Variants in TAPT1 observed in about 807,000 individuals in gnomAD.
TAPT1 encodes the protein transmembrane anterior posterior transformation protein 1 homolog.
TAPT1 carries 28 observed loss-of-function variants against 65.6 expected under a neutral mutation model. The observed-to-expected ratio is 0.43, with a 90% confidence interval of 0.32 to 0.59. TAPT1 has a LOEUF of 0.59. Among genes scored for constraint, TAPT1 ranks in the 20% least tolerant of loss-of-function variants. TAPT1 has a pLI of 0.09. For missense variants in TAPT1, 563 were observed against 679.9 expected (o/e 0.83, Z 1.91); for synonymous variants, 278 against 245.2 (o/e 1.13, Z -1.25).
intron 11 of TAPT1, among the ~76,000 whole-genome samples, chr4:16,173,470 G>A (rs1036106622): frequency 2.9e-4 from 44 of 152,012 alleles, no homozygotes; most frequent in African/African-American, 1.0e-3. Flanking sequence ...CCAGGCTGGA[G>A]TGCAGTGGCA....
chr4:16,208,050 A>C (rs1258194870), intron 2 of TAPT1, among the ~76,000 whole-genome samples: 2 of 152,214 alleles, frequency 1.3e-5, no homozygotes, highest in East Asian at 3.8e-4. Flanking sequence ...ATATTGCTAA[A>C]AGGCTTCATG....
chr4:16,161,250 T>C lies in TAPT1; in HGVS notation c.*2058A>G, dbSNP rs1385681833. ...TTATTATACAGTGGGAAATTCACTC[T>C]ACCAAATACAATAGTAAATATTAAA... On this transcript the variant is annotated 3_prime_UTR_variant, in exon 14 of 14. Coordinates refer to ENST00000405303, the MANE Select transcript of TAPT1 (RefSeq NM_153365.3). 2 of 152,678 alleles carry C rather than the reference T, an allele frequency of 1.3e-5. No homozygotes were observed. The highest frequency in any genetic ancestry group is 4.8e-5 in the African/African-American group (2 of 41,474). The allele number at this position is 152,678 out of a possible 1,614,324, so 9.5% of individuals were successfully genotyped here.
chr4:16,227,080 ATATT>A (rs753325782), upstream of TAPT1: 52 of 454,756 alleles, frequency 1.1e-4, 1 homozygote, highest in South Asian at 8.1e-4. Context: ...TCTCTTCTGC[ATATT>A]TATGCTTGCC....
At chr4:16,175,916 G>C (rs1462201556) in intron 9 of TAPT1, among the ~76,000 whole-genome samples, 2 of 152,026 alleles carry the variant, frequency 1.3e-5, no homozygotes. Flanking sequence ...ACTACTGGCT[G>C]GTCTATACTT....
chr4:16,179,975 T>G (rs535421916), intron 7 of TAPT1, among the ~76,000 whole-genome samples: 3 of 152,290 alleles, frequency 2.0e-5, no homozygotes, highest in Admixed American at 1.3e-4. Context: ...CCAATGGGCT[T>G]TGGGGACATA....
intron 2 of TAPT1, among the ~76,000 whole-genome samples, chr4:16,212,053 G>GT (rs1750677820): frequency 6.6e-6 from 1 of 152,194 alleles, no homozygotes; most frequent in South Asian, 2.1e-4. Context: ...CTCTGCTGAG[G>GT]TAACAAAATC....
In TAPT1 at chr4:16,186,576, T is replaced by C. The variant is rs1749028601; in HGVS notation, c.875A>G (p.Lys292Arg). 1 of 1,534,284 alleles carries C rather than the reference T, an allele frequency of 6.5e-7. No individual in the cohort carries two copies. The highest frequency in any genetic ancestry group is 8.8e-7 in the Non-Finnish European group (1 of 1,130,302). The change falls in exon 7 of 14, where the codon AAG (lysine) becomes AGG (arginine). Residue 292 changes from lysine (K) to arginine (R), a missense_variant. Physicochemically the swap from Lys to Arg is conservative, Grantham distance 26. Around this residue, in one of 5 missense-constraint regions of TAPT1, gnomAD observed 217 missense variants for 317.5 expected, o/e 0.68. Transcript: ENST00000405303. The stretch of plus-strand genomic sequence containing the variant: ...AAAGAGATTGTTCTTTTCAAACTTC[T>C]TGAAAACACTTCCTTTAATTTCAAC... ...NFVEIKGSVF[K>R]KFEKNNLFQM...
At chr4:16,179,395 A>G (rs996729021) in intron 8 of TAPT1, 182 bp downstream of exon 8, 3 of 482,922 alleles carry the variant, frequency 6.2e-6, no homozygotes, top group South Asian at 7.0e-5. Context: ...CCACCATCGT[A>G]TATGTGGTCT....
At chr4:16,219,686 T>C (rs1367321115) in intron 1 of TAPT1, among the ~76,000 whole-genome samples, 1 of 152,194 alleles carries the variant, frequency 6.6e-6, no homozygotes, top group Non-Finnish European at 1.5e-5. Flanking sequence ...ATAAGGCAGT[T>C]TACAAAGGTC....
intron 3 of TAPT1, among the ~76,000 whole-genome samples, chr4:16,197,441 CTTT>C (rs1341618934): frequency 6.6e-6 from 1 of 152,178 alleles, no homozygotes; most frequent in Non-Finnish European, 1.5e-5. Flanking sequence ...CTACAATCTT[CTTT>C]AACTTTTAAC....
chr4:16,161,060 T>G lies in TAPT1; in HGVS notation c.*2248A>C, dbSNP rs1045725497. 1.3e-5 allele frequency: 2 copies of G among 152,682 alleles called. No individual in the cohort carries two copies. Among genetic ancestry groups the G allele is most frequent in the Non-Finnish European group, 2.9e-5 (2 of 68,048 alleles). The allele number at this position is 152,682 out of a possible 1,614,324, so 9.5% of individuals were successfully genotyped here. A position where few individuals can be genotyped will look rare whatever the true frequency, so the allele number is the denominator to read the frequency against. ...ATATTTTGTGTGACATTCAAAACACTTGTAAAATGCAAATACCTTCATTTG... is the reference window on the plus strand; with the variant it reads ...ATATTTTGTGTGACATTCAAAACACGTGTAAAATGCAAATACCTTCATTTG... On this transcript the variant is annotated 3_prime_UTR_variant, in exon 14 of 14. Transcript: ENST00000405303.
At chr4:16,173,195 A>AT (rs916970792) in intron 11 of TAPT1, among the ~76,000 whole-genome samples, 4 of 151,782 alleles carry the variant, frequency 2.6e-5, no homozygotes, top group South Asian at 2.1e-4. Context: ...CAGCCAGCAA[A>AT]TTTTTTTTTC....
At chr4:16,172,724 C>G (rs1748083729) in intron 11 of TAPT1, among the ~76,000 whole-genome samples, 1 of 152,132 alleles carries the variant, frequency 6.6e-6, no homozygotes, top group South Asian at 2.1e-4. Flanking sequence ...CCTTCACTTT[C>G]TTTACACATT....
In TAPT1 at chr4:16,160,662, C is replaced by T. The variant is rs1338897562; in HGVS notation, c.*2646G>A. 2 of 152,210 alleles carry T rather than the reference C, an allele frequency of 1.3e-5. No homozygotes were observed. The highest frequency in any genetic ancestry group is 2.9e-5 in the Non-Finnish European group (2 of 68,036). The allele number at this position is 152,210 out of a possible 1,614,324, so 9.4% of individuals were successfully genotyped here. A position where few individuals can be genotyped will look rare whatever the true frequency, so the allele number is the denominator to read the frequency against. On this transcript the variant is annotated 3_prime_UTR_variant, in exon 14 of 14. Transcript: ENST00000405303. ...ATCTTGCTCATTGCTGATCCCACCA[C>T]TTAGAACAGTTTCTGACACATAGGA...
intron 1 of TAPT1, among the ~76,000 whole-genome samples, chr4:16,223,585 T>C (rs550108932): frequency 6.6e-6 from 1 of 152,324 alleles, no homozygotes; most frequent in East Asian, 1.9e-4. Context: ...ATCTGAGACA[T>C]GCGTCAGCCT....
intron 1 of TAPT1, among the ~76,000 whole-genome samples, chr4:16,224,545 G>C (rs1257245302): frequency 2.0e-5 from 3 of 152,166 alleles, no homozygotes; most frequent in Admixed American, 2.0e-4. Context: ...GCCAAGGCTA[G>C]TGTGACTTGG....
intron 1 of TAPT1, among the ~76,000 whole-genome samples, chr4:16,223,407 G>A (rs949172539): frequency 1.3e-5 from 2 of 152,236 alleles, no homozygotes; most frequent in Non-Finnish European, 2.9e-5. Flanking sequence ...AGAAAATACA[G>A]AAGAGATCAA....
chr4:16,217,770 G>C (rs1751024452), intron 1 of TAPT1, among the ~76,000 whole-genome samples: 1 of 152,234 alleles, frequency 6.6e-6, no homozygotes, highest in Non-Finnish European at 1.5e-5. Context: ...TGACAGAATT[G>C]TTCTGAGACT....
chr4:16,203,978 T>C (rs1750191537), intron 2 of TAPT1, among the ~76,000 whole-genome samples: 1 of 152,192 alleles, frequency 6.6e-6, no homozygotes, highest in Non-Finnish European at 1.5e-5. Flanking sequence ...TAGATTAGCA[T>C]AGAGTCACGT....
Sources: gnomAD v4.1 joint callset for allele counts (sites outside exome capture counted in the v4.1 genomes callset) on GRCh38, gnomAD v4.1.1 for gene constraint, gnomAD v4.1.1 regional missense constraint, MANE v1.5 for transcripts, NCBI Gene and HGNC (gene_info 2026-07-23, HGNC 2026-07-21) for gene names.